The following HEMK2 variants were observed in gnomAD, a reference collection of about 807,000 sequenced individuals.
HEMK2 encodes methyltransferase HEMK2.
At chr21:28,823,488 G>T in the HEMK2 span, among the ~76,000 whole-genome samples, 1 of 152,150 alleles carries the variant, frequency 6.6e-6, no homozygotes, top group Non-Finnish European at 1.5e-5. Flanking sequence ...TGTTGTTGTT[G>T]TTTAAAGTTT....
At chr21:28,758,025 AG>A in the HEMK2 span, among the ~76,000 whole-genome samples, 1 of 152,214 alleles carries the variant, frequency 6.6e-6, no homozygotes, top group Non-Finnish European at 1.5e-5. Flanking sequence ...ATGCATTCTC[AG>A]TAATTCTTTT....
the HEMK2 span, among the ~76,000 whole-genome samples, chr21:28,798,057 A>G: frequency 1.3e-5 from 2 of 152,286 alleles, no homozygotes; most frequent in East Asian, 3.9e-4. Context: ...TTCTGCCAAC[A>G]GCCAGTCCTG....
At chr21:28,738,791 A>G in the HEMK2 span, among the ~76,000 whole-genome samples, 1 of 152,198 alleles carries the variant, frequency 6.6e-6, no homozygotes, top group Admixed American at 6.5e-5. Flanking sequence ...TAATACAAAA[A>G]CTTCCACATT....
At chr21:28,779,664 A>G in the HEMK2 span, among the ~76,000 whole-genome samples, 19 of 152,152 alleles carry the variant, frequency 1.2e-4, no homozygotes, top group African/African-American at 4.6e-4. Flanking sequence ...TCCTTGGGTC[A>G]CTTTCTCCTG....
At chr21:28,816,787 T>C in the HEMK2 span, among the ~76,000 whole-genome samples, 7 of 152,094 alleles carry the variant, frequency 4.6e-5, no homozygotes, top group Non-Finnish European at 1.0e-4. Context: ...CAAAGAAAAG[T>C]GAAGAAAGCA....
chr21:28,858,996 C>T, the HEMK2 span, among the ~76,000 whole-genome samples: 2 of 152,196 alleles, frequency 1.3e-5, no homozygotes, highest in Non-Finnish European at 2.9e-5. Context: ...TTAATTGATG[C>T]TATTTCACTA....
chr21:28,870,611 T>C, the HEMK2 span, among the ~76,000 whole-genome samples: 1 of 152,110 alleles, frequency 6.6e-6, no homozygotes, highest in East Asian at 1.9e-4. Flanking sequence ...CTGTTGGCCA[T>C]GCTGGTCCCA....
the HEMK2 span, among the ~76,000 whole-genome samples, chr21:28,834,809 T>C: frequency 1.8e-3 from 270 of 152,150 alleles, no homozygotes; most frequent in African/African-American, 6.2e-3. Context: ...GGTGGGGGCA[T>C]GGTGGGAGTG....
chr21:28,852,492 G>A, the HEMK2 span, among the ~76,000 whole-genome samples: 41 of 152,326 alleles, frequency 2.7e-4, no homozygotes, highest in African/African-American at 9.6e-4. Flanking sequence ...CTCAGAGCCA[G>A]TGTCCAGTAG....
the HEMK2 span, among the ~76,000 whole-genome samples, chr21:28,771,487 G>A: frequency 2.1e-5 from 3 of 143,734 alleles, no homozygotes; most frequent in Admixed American, 7.2e-5. Flanking sequence ...TAGGGGTGCC[G>A]TGAAAAATTC....
the HEMK2 span, among the ~76,000 whole-genome samples, chr21:28,831,734 GGAAAGAAAGAAA>G: frequency 2.2e-4 from 3 of 13,636 alleles, no homozygotes; most frequent in Admixed American, 9.0e-4. Flanking sequence ...AAGGAAGGAA[GGAAAGAAAGAAA>G]GAAAGAAAGA....
At chr21:28,588,512 C>T in the HEMK2 span, among the ~76,000 whole-genome samples, 8 of 152,034 alleles carry the variant, frequency 5.3e-5, no homozygotes, top group Admixed American at 2.0e-4. Context: ...TCAGAGATGA[C>T]GATAAGCAAT....
chr21:28,610,101 G>C, the HEMK2 span, among the ~76,000 whole-genome samples: 1 of 152,232 alleles, frequency 6.6e-6, no homozygotes, highest in Non-Finnish European at 1.5e-5. Context: ...TAGGCACATG[G>C]TCATCAGGTT....
chr21:28,687,888 G>A, the HEMK2 span, among the ~76,000 whole-genome samples: 2 of 152,188 alleles, frequency 1.3e-5, no homozygotes, highest in Non-Finnish European at 2.9e-5. Context: ...GTAAGTTCTT[G>A]TTAAAATTTG....
the HEMK2 span, among the ~76,000 whole-genome samples, chr21:28,791,942 G>GA: frequency 1.3e-5 from 2 of 150,706 alleles, no homozygotes; most frequent in South Asian, 2.1e-4. Context: ...ATGCAGAGAA[G>GA]AAAAAAAAAG....
At chr21:28,804,902 T>C in the HEMK2 span, among the ~76,000 whole-genome samples, 1 of 152,240 alleles carries the variant, frequency 6.6e-6, no homozygotes, top group Admixed American at 6.5e-5. Flanking sequence ...TTGTAATTCA[T>C]GTTTCTCAAA....
At chr21:28,626,457 G>A in the HEMK2 span, 1 of 152,048 alleles carries the variant, frequency 6.6e-6, no homozygotes, top group Non-Finnish European at 1.5e-5. Context: ...CAGATTGGGA[G>A]CAAATATTTG....
chr21:28,881,442 T>C, the HEMK2 span, among the ~76,000 whole-genome samples: 1 of 152,250 alleles, frequency 6.6e-6, no homozygotes, highest in East Asian at 1.9e-4. Context: ...CTAGAGTAAC[T>C]GAATAGAAAG....
the HEMK2 span, among the ~76,000 whole-genome samples, chr21:28,609,139 G>A: frequency 6.6e-6 from 1 of 152,264 alleles, no homozygotes; most frequent in East Asian, 1.9e-4. Flanking sequence ...AACCCTCACA[G>A]AATCCACTTC....
Sources: allele counts gnomAD v4.1 joint callset (sites outside exome capture counted in the v4.1 genomes callset), GRCh38; gene constraint gnomAD v4.1.1; transcripts MANE v1.5; gene names NCBI Gene and HGNC (gene_info 2026-07-23, HGNC 2026-07-21).